The following GSE1 variants were observed in gnomAD, a reference collection of about 807,000 sequenced individuals.
GSE1 encodes the protein genetic suppressor element 1.
GSE1 carries 32 observed loss-of-function variants against 112.6 expected under a neutral mutation model. The ratio of observed to expected loss-of-function variants is 0.28; its 90% CI spans 0.21 to 0.38. The LOEUF (loss-of-function observed/expected upper bound fraction) is 0.38. Among genes scored for constraint, GSE1 ranks in the 10% least tolerant of loss-of-function variants. The pLI is 1.00. For synonymous variants in GSE1, 1,115 were observed against 735.6 expected (o/e 1.52, Z -8.35); for missense variants, 2,348 against 1,699.2 (o/e 1.38, Z -6.71).
chr16:85,559,299 T>C (rs1331829960), intron 1 of GSE1, among the ~76,000 whole-genome samples: 7 of 152,182 alleles, frequency 4.6e-5, no homozygotes, highest in African/African-American at 1.4e-4. Context: ...GCTCAGCAAT[T>C]GCCCAGCTTG....
chr16:85,641,587 C>G (rs1377125520), intron 2 of GSE1, among the ~76,000 whole-genome samples: 1 of 152,280 alleles, frequency 6.6e-6, no homozygotes, highest in African/African-American at 2.4e-5. Context: ...CAGCCTTGCG[C>G]TGTGGTGTGC....
At chr16:85,600,470 G>A (rs1195763371) in intron 1 of GSE1, among the ~76,000 whole-genome samples, 1 of 151,998 alleles carries the variant, frequency 6.6e-6, no homozygotes, top group Non-Finnish European at 1.5e-5. Flanking sequence ...CTGAACTCCG[G>A]GTGAGAGGCT....
At chr16:85,636,534 C>G (rs1018862945) in intron 2 of GSE1, among the ~76,000 whole-genome samples, 1 of 152,218 alleles carries the variant, frequency 6.6e-6, no homozygotes, top group Non-Finnish European at 1.5e-5. Flanking sequence ...TCACCCGGAC[C>G]CTGACCTCAC....
chr16:85,655,040 G>T, intron 5 of GSE1, 49 bp downstream of exon 5: 1 of 1,203,170 alleles, frequency 8.3e-7, no homozygotes, highest in Middle Eastern at 1.9e-4. Flanking sequence ...GCCTGTTCCT[G>T]GCAAGATGGA....
intron 2 of GSE1, among the ~76,000 whole-genome samples, chr16:85,433,889 G>A (rs1370125224): frequency 6.6e-6 from 1 of 152,146 alleles, no homozygotes; most frequent in Non-Finnish European, 1.5e-5. Context: ...ATGGATGGAT[G>A]TTGGTTAGAT....
At chr16:85,496,396 A>T (rs1462670137) in intron 2 of GSE1, among the ~76,000 whole-genome samples, 1 of 152,300 alleles carries the variant, frequency 6.6e-6, no homozygotes, top group East Asian at 1.9e-4. Context: ...AACGAGATTC[A>T]CAGAGAGCAG....
intron 2 of GSE1, among the ~76,000 whole-genome samples, chr16:85,548,037 C>T (rs903214387): frequency 1.3e-5 from 2 of 151,520 alleles, no homozygotes; most frequent in African/African-American, 2.4e-5. Context: ...ACCATCCTGG[C>T]CAACATGGTG....
chr16:85,422,360 T>TGGGCG (rs1374267816), intron 2 of GSE1, among the ~76,000 whole-genome samples: 3 of 129,086 alleles, frequency 2.3e-5, no homozygotes, highest in African/African-American at 8.0e-5. Context: ...GGGAAGGAGC[T>TGGGCG]GGGCGGGGCG....
At chr16:85,178,873 G>A (rs1470461345) in intron 1 of GSE1, among the ~76,000 whole-genome samples, 3 of 150,800 alleles carry the variant, frequency 2.0e-5, no homozygotes, top group Non-Finnish European at 4.4e-5. Context: ...AGGGAGGTGC[G>A]GGGGGTGGGC....
chr16:85,449,053 G>T (rs1263491482), intron 2 of GSE1, among the ~76,000 whole-genome samples: 1 of 152,138 alleles, frequency 6.6e-6, no homozygotes, highest in Non-Finnish European at 1.5e-5. Flanking sequence ...AGGTGGCCGG[G>T]CGCAGGAGGG....
intron 8 of GSE1, among the ~76,000 whole-genome samples, chr16:85,658,577 C>A (rs187924977): frequency 6.6e-6 from 1 of 152,212 alleles, no homozygotes; most frequent in East Asian, 1.9e-4. Flanking sequence ...GGAATGCGCC[C>A]CCGCTGATCA....
intron 1 of GSE1, among the ~76,000 whole-genome samples, chr16:85,346,356 G>A (rs1280975092): frequency 4.0e-5 from 6 of 151,014 alleles, no homozygotes; most frequent in South Asian, 4.2e-4. Context: ...GATGGTGGAC[G>A]AGTGGATGGA....
At chr16:85,343,287 G>C (rs910884106) in intron 1 of GSE1, among the ~76,000 whole-genome samples, 3 of 152,184 alleles carry the variant, frequency 2.0e-5, no homozygotes, top group African/African-American at 7.2e-5. Flanking sequence ...TTTCCATTAC[G>C]TGCTTGAGGT....
At chr16:85,424,999 G>C (rs1292141514) in intron 2 of GSE1, among the ~76,000 whole-genome samples, 2 of 152,400 alleles carry the variant, frequency 1.3e-5, no homozygotes, top group African/African-American at 4.8e-5. Flanking sequence ...GAGCAGGGCA[G>C]GCAGAGGGCC....
chr16:85,508,350 C>T (rs112119582), intron 2 of GSE1, among the ~76,000 whole-genome samples: 37 of 152,284 alleles, frequency 2.4e-4, no homozygotes, highest in African/African-American at 8.7e-4. Context: ...ACTTATTTTT[C>T]GGAACAGGTG....
At position 85,661,464 on chromosome 16, in the gene GSE1, G is replaced by A. The variant is rs772406372; in HGVS notation, c.1959G>A (p.Pro653=). 6.1e-5 allele frequency: 99 copies of A among 1,611,296 alleles called. No individual in the cohort carries two copies. Among genetic ancestry groups the A allele is most frequent in the Non-Finnish European group, 7.7e-5 (91 of 1,179,302 alleles). Residue 653 remains proline (P), a synonymous_variant, in exon 9 of 16, where the codon CCG becomes CCA. Transcript: ENST00000253458. ...PAPLDKYQPP[P]PPPREGGSLE... ...CTCTGGACAAGTACCAGCCACCTCC[G>A]CCGCCACCACGAGAGGGAGGGAGCC...
In GSE1 at chr16:85,661,692, C is replaced by T. The variant is rs61737039; in HGVS notation, c.2187C>T (p.Phe729=). ...APDPAYIYDE[F]LQQRRRLVSK... is the part of the protein sequence containing the mutation. ...ACCCTGCCTACATCTATGATGAGTT[C>T]CTGCAGCAGCGCCGGAGGCTGGTCA... is the stretch of plus-strand genomic sequence containing the variant. Residue 729 remains phenylalanine, a synonymous_variant, in exon 9 of 16, where the codon TTC becomes TTT. Coordinates refer to ENST00000253458, the MANE Select transcript of GSE1 (RefSeq NM_014615.5). 2.8e-3 allele frequency: 4,448 copies of T among 1,606,894 alleles called. 86 individuals carry two copies. The African/African-American group carries it at 0.044, about 16-fold the overall frequency.
chr16:85,256,920 C>T (rs573274767), intron 1 of GSE1, among the ~76,000 whole-genome samples: 8 of 152,338 alleles, frequency 5.3e-5, no homozygotes, highest in African/African-American at 1.7e-4. Context: ...GACATGTGGC[C>T]GGTCTCCACT....
chr16:85,658,987 G>A (rs1224058377), intron 8 of GSE1, among the ~76,000 whole-genome samples: 1 of 152,228 alleles, frequency 6.6e-6, no homozygotes, highest in Non-Finnish European at 1.5e-5. Flanking sequence ...ACAGCATTGT[G>A]AACTTGGGGG....
Sources: allele counts gnomAD v4.1 joint callset (sites outside exome capture counted in the v4.1 genomes callset), GRCh38; gene constraint gnomAD v4.1.1; transcripts MANE v1.5; gene names NCBI Gene and HGNC (gene_info 2026-07-23, HGNC 2026-07-21).